Variants in THSD1 observed in about 807,000 individuals in gnomAD.
THSD1 encodes thrombospondin type-1 domain-containing protein 1.
Under a neutral mutation model 46.3 loss-of-function variants are expected in THSD1, and 34 were observed. That is an observed-to-expected ratio of 0.74 (90% confidence interval 0.56 to 0.98). The LOEUF (loss-of-function observed/expected upper bound fraction) is 0.98, where lower values mean the gene tolerates loss of function less well. Among genes scored for constraint, THSD1 ranks in the 50% least tolerant of loss-of-function variants. The pLI is 0.00. For missense variants in THSD1, 1,023 were observed against 1,058.3 expected (o/e 0.97, Z 0.46); for synonymous variants, 407 against 416.5 (o/e 0.98, Z 0.28).
intron 3 of THSD1, among the ~76,000 whole-genome samples, chr13:52,388,696 G>A (rs967830940): frequency 1.3e-5 from 2 of 152,116 alleles, no homozygotes; most frequent in African/African-American, 4.8e-5. Flanking sequence ...GGTCAGGCTG[G>A]TCTTGAACTC....
rs769546046 is a variant in THSD1, at chr13:52,385,976, C to T, written c.1180+52G>A. 7 of 1,567,918 alleles carry T rather than the reference C, an allele frequency of 4.5e-6. No individual in the cohort carries two copies. The African/African-American group carries it at 9.5e-5, about 21-fold the overall frequency. On this transcript the variant is annotated intron_variant, in intron 4 of 4. Transcript: ENST00000258613. ...TCAGGCAGGCCTGGGTTCAATATTC[C>T]TTCTGATGAAGGCTCTGAGGAGAGA...
At chr13:52,396,227 T>C (rs1299637247) in intron 3 of THSD1, among the ~76,000 whole-genome samples, 2 of 151,898 alleles carry the variant, frequency 1.3e-5, no homozygotes, top group African/African-American at 4.8e-5. Context: ...TTACCAGGGA[T>C]AAAGATAAAA....
intron 2 of THSD1, among the ~76,000 whole-genome samples, chr13:52,399,754 T>C (rs1957839575): frequency 1.3e-5 from 2 of 152,186 alleles, no homozygotes; most frequent in African/African-American, 4.8e-5. Flanking sequence ...TTCCCTTTTG[T>C]TTGGAGATGA....
chr13:52,377,486 G>C lies in THSD1; in HGVS notation c.2484C>G (p.Asp828Glu). The C allele has an allele frequency of 6.3e-7, 1 of 1,575,266 alleles. No individual in the cohort carries two copies. The highest frequency in any genetic ancestry group is 2.3e-5 in the East Asian group (1 of 44,210). ...GLTEAEQRML[D>E]LPGYFGSNEE... Reference sequence around the variant, plus strand: ...CATTTGACCCAAAATATCCTGGGAGGTCCAGCATCCTCTGCTCAGCCTCAG... The same window carrying C: ...CATTTGACCCAAAATATCCTGGGAGCTCCAGCATCCTCTGCTCAGCCTCAG... Residue 828 changes from aspartate (D) to glutamate (E), a missense_variant, in exon 5 of 5, where the codon GAC (aspartate) becomes GAG (glutamate). Physicochemically the swap from Asp to Glu is conservative, Grantham distance 45. Coordinates refer to ENST00000258613, the MANE Select transcript of THSD1 (RefSeq NM_018676.4).
chr13:52,379,634 CT>C (rs912929309), intron 4 of THSD1, among the ~76,000 whole-genome samples: 2 of 152,126 alleles, frequency 1.3e-5, no homozygotes, highest in African/African-American at 4.8e-5. Context: ...GCCACCACCC[CT>C]GGCTCATTTT....
chr13:52,403,150 T>C lies in THSD1; in HGVS notation c.-81-469A>G, dbSNP rs1272783325. On this transcript the variant is annotated intron_variant, in intron 1 of 4. Coordinates refer to ENST00000258613, the MANE Select transcript of THSD1 (RefSeq NM_018676.4). ...TGGCGTCCACAAATGGGCTAACATT[T>C]CCTTGCACAATTGGTGTGTTACCAG... is the stretch of plus-strand genomic sequence containing the variant. 2.0e-5 allele frequency among the ~76,000 whole-genome samples: 3 copies of C among 152,178 alleles called. No individual in the cohort carries two copies. The East Asian group carries it at 5.8e-4, about 29-fold the overall frequency.
chr13:52,402,649 C>G lies in THSD1; in HGVS notation c.-49G>C. 1 of 1,605,306 alleles carries G rather than the reference C, an allele frequency of 6.2e-7. No individual in the cohort carries two copies. The highest frequency in any genetic ancestry group is 8.5e-7 in the Non-Finnish European group (1 of 1,175,066). On this transcript the variant is annotated 5_prime_UTR_variant, in exon 2 of 5. Coordinates refer to ENST00000258613, the MANE Select transcript of THSD1 (RefSeq NM_018676.4). ...TTTAGTCTCCTCATGTCCTTTCTCA[C>G]GTCCAGATTGTGATTTTTTTCCCCA...
chr13:52,379,497 A>G (rs1219174206), intron 4 of THSD1, among the ~76,000 whole-genome samples: 2 of 151,280 alleles, frequency 1.3e-5, no homozygotes, highest in Non-Finnish European at 2.9e-5. Context: ...TTTGAGACGG[A>G]GTCTTGCTCT....
intron 2 of THSD1, among the ~76,000 whole-genome samples, chr13:52,398,881 C>T (rs964971204): frequency 6.6e-6 from 1 of 152,124 alleles, no homozygotes; most frequent in East Asian, 1.9e-4. Context: ...TTAAATGACA[C>T]AATACAAATT....
Position 52,377,943 on chromosome 13 carries a change from C to G in THSD1, c.2027G>C (p.Arg676Pro), listed in dbSNP as rs374193756. ...CCTAGAGCTGTAGGCAGGGGCCTGC[C>G]GTGGAGTCAGAGTGGACATGCTCCT... ...RERSMSTLTPRQAPAYSSRTR... is the reference protein window; with the variant it reads ...RERSMSTLTPPQAPAYSSRTR... The change falls in exon 5 of 5, where the codon CGG becomes CCG. Residue 676 changes from arginine to proline, a missense_variant. Around this residue, in one of 3 missense-constraint regions of THSD1, gnomAD observed 578 missense variants for 497.4 expected, o/e 1.16. Coordinates refer to ENST00000258613, the MANE Select transcript of THSD1 (RefSeq NM_018676.4). The G allele has an allele frequency of 6.2e-7, 1 of 1,614,024 alleles. No individual in the cohort carries two copies. Among genetic ancestry groups the G allele is most frequent in the Non-Finnish European group, 8.5e-7 (1 of 1,180,048 alleles).
chr13:52,385,858 G>C (rs961180661), intron 4 of THSD1, among the ~76,000 whole-genome samples, 170 bp downstream of exon 4: 1 of 151,988 alleles, frequency 6.6e-6, no homozygotes, highest in East Asian at 1.9e-4. Context: ...AGCTATTCCC[G>C]GTCTTAGATA....
At chr13:52,382,049 A>AC (rs1385444806) in intron 4 of THSD1, among the ~76,000 whole-genome samples, 1 of 152,238 alleles carries the variant, frequency 6.6e-6, no homozygotes, top group Non-Finnish European at 1.5e-5. Flanking sequence ...TTCAATGAGA[A>AC]CATTCACTTA....
rs1400854553 is a variant in THSD1, at chr13:52,386,049, A to G, written c.1159T>C (p.Cys387Arg). 1 of 1,614,036 alleles carries G rather than the reference A, an allele frequency of 6.2e-7. No homozygotes were observed. Among genetic ancestry groups the G allele is most frequent in the South Asian group, 1.1e-5 (1 of 91,076 alleles). Residue 387 changes from cysteine to arginine, a missense_variant, in exon 4 of 5, where the codon TGT becomes CGT. Cys to Arg is a radical substitution (Grantham distance 180). Transcript: ENST00000258613. ...CPGMSLEASL[C>R]SLEECAAFQP... Reference sequence around the variant, plus strand: ...CTACCAGCACACTCCTCCAGGGAACACAGGGAGGCCTCCAAGGACATTCCA... The same window carrying G: ...CTACCAGCACACTCCTCCAGGGAACGCAGGGAGGCCTCCAAGGACATTCCA...
chr13:52,399,617 T>C (rs1957838194), intron 2 of THSD1, among the ~76,000 whole-genome samples: 1 of 152,090 alleles, frequency 6.6e-6, no homozygotes, highest in Non-Finnish European at 1.5e-5. Flanking sequence ...TAGTTCTCAT[T>C]TGAGATGAGG....
chr13:52,405,587 A>G (rs1034159650), intron 1 of THSD1, among the ~76,000 whole-genome samples: 1 of 152,120 alleles, frequency 6.6e-6, no homozygotes, highest in Admixed American at 6.5e-5. Flanking sequence ...AGCTTCCCAA[A>G]TGCCCGCAAG....
chr13:52,378,143 T>G lies in THSD1; in HGVS notation c.1827A>C (p.Leu609=). 1 of 1,614,188 alleles carries G rather than the reference T, an allele frequency of 6.2e-7. No individual in the cohort carries two copies. Among genetic ancestry groups the G allele is most frequent in the Non-Finnish European group, 8.5e-7 (1 of 1,180,026 alleles). Reference sequence around the variant, plus strand: ...TGGCACAACTGGCCTGAGTCACATTTAGATCCAGCCTGGAGGGAGGCCTTT... The same window carrying G: ...TGGCACAACTGGCCTGAGTCACATTGAGATCCAGCCTGGAGGGAGGCCTTT... ...AGERPPSRLD[L]NVTQASCAIS... is the part of the protein sequence containing the mutation. Residue 609 remains leucine (L), a synonymous_variant, in exon 5 of 5, where the codon CTA becomes CTC. Transcript: ENST00000258613.
intron 2 of THSD1, chr13:52,399,930 G>A (rs1957841250): frequency 6.3e-6 from 1 of 157,634 alleles, no homozygotes; most frequent in Non-Finnish European, 1.4e-5. Context: ...ATCTGAAGGG[G>A]GCAGGATGGT....
chr13:52,392,572 A>G (rs1039692328), intron 3 of THSD1, among the ~76,000 whole-genome samples: 1 of 152,244 alleles, frequency 6.6e-6, no homozygotes, highest in African/African-American at 2.4e-5. Flanking sequence ...TGCTCACACT[A>G]CATAACAAAC....
chr13:52,385,522 C>T (rs1176394866), intron 4 of THSD1, among the ~76,000 whole-genome samples: 1 of 152,130 alleles, frequency 6.6e-6, no homozygotes, highest in African/African-American at 2.4e-5. Context: ...AAATGTCCCT[C>T]TGGGTAGGGG....
Sources: allele counts gnomAD v4.1 joint callset (sites outside exome capture counted in the v4.1 genomes callset), GRCh38; gene constraint gnomAD v4.1.1; regional missense constraint gnomAD v4.1.1; transcripts MANE v1.5; gene names NCBI Gene and HGNC (gene_info 2026-07-23, HGNC 2026-07-21).